L3MBTL3: variants seen among roughly 807,000 people sequenced by gnomAD.
L3MBTL3 encodes lethal(3)malignant brain tumor-like protein 3.
Under a neutral mutation model 102.3 loss-of-function variants are expected in L3MBTL3, and 27 were observed. That is an observed-to-expected ratio of 0.26 (90% CI 0.19 to 0.36). The LOEUF (loss-of-function observed/expected upper bound fraction) is 0.36. L3MBTL3 is among the 10% of genes least tolerant of loss of function. The probability of loss-of-function intolerance (pLI) is 1.00; values close to 1 mark genes in which losing one functional copy is unlikely to be tolerated. For missense variants in L3MBTL3, 798 were observed against 955.3 expected, an observed-to-expected ratio of 0.84 and a Z score of 2.17; for synonymous variants, 340 against 320.9, an observed-to-expected ratio of 1.06 and a Z score of -0.64.
chr6:130,038,175 A>G (rs1368629810), intron 2 of L3MBTL3, among the ~76,000 whole-genome samples: 2 of 152,066 alleles, frequency 1.3e-5, no homozygotes, highest in East Asian at 1.9e-4. Flanking sequence ...TCATCCACTC[A>G]TGGACACTTA....
chr6:130,068,529 G>A (rs536318700), intron 12 of L3MBTL3, 108 bp downstream of exon 12: 25 of 601,670 alleles, frequency 4.2e-5, no homozygotes, highest in South Asian at 2.1e-4. Context: ...TTATCGCCTT[G>A]GTAAATAGAG....
At chr6:130,107,628 A>AT (rs1309518440) in intron 19 of L3MBTL3, among the ~76,000 whole-genome samples, 1 of 152,262 alleles carries the variant, frequency 6.6e-6, no homozygotes, top group African/African-American at 2.4e-5. Flanking sequence ...CCCATACATT[A>AT]TACAAGCATG....
At chr6:130,081,739 T>A (rs1360196072) in intron 14 of L3MBTL3, among the ~76,000 whole-genome samples, 1 of 152,142 alleles carries the variant, frequency 6.6e-6, no homozygotes, top group African/African-American at 2.4e-5. Flanking sequence ...ATTTACTCTT[T>A]AAACATTTTA....
intron 18 of L3MBTL3, among the ~76,000 whole-genome samples, chr6:130,101,329 CAT>C (rs1317824584): frequency 6.6e-6 from 1 of 152,052 alleles, no homozygotes; most frequent in African/African-American, 2.4e-5. Flanking sequence ...TGTTTTTAAA[CAT>C]ATTTATTGTG....
intron 8 of L3MBTL3, among the ~76,000 whole-genome samples, chr6:130,057,164 T>G (rs2114855395): frequency 6.6e-6 from 1 of 152,348 alleles, no homozygotes; most frequent in Non-Finnish European, 1.5e-5. Flanking sequence ...CCTGCTGTCT[T>G]CTTCCTTTAT....
At chr6:130,035,667 T>C (rs1780012368) in intron 2 of L3MBTL3, among the ~76,000 whole-genome samples, 1 of 152,222 alleles carries the variant, frequency 6.6e-6, no homozygotes, top group Admixed American at 6.5e-5. Flanking sequence ...TGGGCATCAA[T>C]GCCTTTGGTT....
At chr6:130,101,008 G>A (rs935142832) in intron 18 of L3MBTL3, among the ~76,000 whole-genome samples, 37 of 152,204 alleles carry the variant, frequency 2.4e-4, no homozygotes, top group Admixed American at 1.1e-3. Flanking sequence ...TGAATGAAAT[G>A]CTGGTCATGA....
chr6:130,121,355 C>T (rs1786178686), intron 20 of L3MBTL3, among the ~76,000 whole-genome samples: 2 of 152,108 alleles, frequency 1.3e-5, no homozygotes, highest in African/African-American at 4.8e-5. Context: ...CATTAGTTTG[C>T]TGAGAGTAAT....
chr6:130,099,760 T>A (rs1478593975), intron 18 of L3MBTL3, among the ~76,000 whole-genome samples: 1 of 152,230 alleles, frequency 6.6e-6, no homozygotes, highest in African/African-American at 2.4e-5. Flanking sequence ...TTTACAAAGC[T>A]CTGTGACCTT....
intron 3 of L3MBTL3, among the ~76,000 whole-genome samples, chr6:130,043,411 G>A (rs1430053402): frequency 1.3e-5 from 2 of 152,128 alleles, no homozygotes; most frequent in Admixed American, 1.3e-4. Flanking sequence ...ACCTTGCCCT[G>A]CCTCCTTTTC....
At chr6:130,056,448 G>A (rs1325895814) in intron 8 of L3MBTL3, among the ~76,000 whole-genome samples, 1 of 152,122 alleles carries the variant, frequency 6.6e-6, no homozygotes, top group African/African-American at 2.4e-5. Context: ...ATACTGTCCC[G>A]ACAAACCAGG....
intron 3 of L3MBTL3, among the ~76,000 whole-genome samples, chr6:130,047,901 A>C (rs1161507546): frequency 1.3e-5 from 2 of 152,038 alleles, no homozygotes; most frequent in Non-Finnish European, 2.9e-5. Context: ...CTCTTCCTAC[A>C]TTGACATTTT....
chr6:130,051,494 G>A (rs773724121), intron 6 of L3MBTL3, 86 bp downstream of exon 6: 16 of 1,232,504 alleles, frequency 1.3e-5, no homozygotes, highest in South Asian at 9.5e-5. Flanking sequence ...TTATGCTCTC[G>A]GACATTGATC....
intron 19 of L3MBTL3, among the ~76,000 whole-genome samples, chr6:130,108,644 T>A (rs936116431): frequency 1.3e-5 from 2 of 150,524 alleles, no homozygotes; most frequent in Non-Finnish European, 3.0e-5. Flanking sequence ...TTTACTATAT[T>A]TTTTTTTTGG....
At chr6:130,113,982 G>A (rs80300163) in intron 19 of L3MBTL3, among the ~76,000 whole-genome samples, 1 of 152,160 alleles carries the variant, frequency 6.6e-6, no homozygotes, top group Non-Finnish European at 1.5e-5. Flanking sequence ...TTTGCCCCAT[G>A]AGGTCTTCTG....
At chr6:130,066,518 A>G (rs747882416) in intron 11 of L3MBTL3, 30 bp downstream of exon 11, 2 of 1,589,598 alleles carry the variant, frequency 1.3e-6, no homozygotes, top group South Asian at 1.1e-5. Flanking sequence ...GATATTTTAA[A>G]TTCAGTAAAA....
chr6:130,118,438 T>C (rs1297874965), intron 19 of L3MBTL3, among the ~76,000 whole-genome samples: 1 of 152,196 alleles, frequency 6.6e-6, no homozygotes, highest in East Asian at 1.9e-4. Context: ...AAGATTCTGC[T>C]CGCTCCAGTG....
intron 11 of L3MBTL3, among the ~76,000 whole-genome samples, chr6:130,067,403 C>T (rs561068814): frequency 7.9e-5 from 12 of 152,284 alleles, no homozygotes; most frequent in Admixed American, 3.9e-4. Context: ...TGTAAGCCAC[C>T]GTGCCCGGCC....
chr6:130,121,392 C>T (rs1786183962), intron 20 of L3MBTL3, among the ~76,000 whole-genome samples: 1 of 152,202 alleles, frequency 6.6e-6, no homozygotes, highest in Admixed American at 6.5e-5. Flanking sequence ...CATGTTCCCG[C>T]AGAAGACATG....
Sources: gnomAD v4.1 joint callset for allele counts (sites outside exome capture counted in the v4.1 genomes callset) on GRCh38, gnomAD v4.1.1 for gene constraint, MANE v1.5 for transcripts, NCBI Gene and HGNC (gene_info 2026-07-23, HGNC 2026-07-21) for gene names.